The following PHF10 variants were observed in gnomAD, a reference collection of about 807,000 sequenced individuals.
The protein encoded by PHF10 is PHD finger protein 10, also known as BRG1-associated factor 45a.
In PHF10, 51 loss-of-function variants were observed where a neutral mutation model predicts 68.5. That is an observed-to-expected ratio of 0.74 (90% confidence interval 0.59 to 0.94). The LOEUF is 0.94. Ranked by LOEUF, PHF10 falls within the 40% of genes least tolerant of loss-of-function variation. PHF10 has a pLI of 0.00. For synonymous variants in PHF10, 204 were observed against 203.5 expected (o/e 1.00, Z -0.02); for missense variants, 460 against 602.6 (o/e 0.76, Z 2.48).
Position 169,721,049 on chromosome 6 carries a change from T to C in PHF10, c.150A>G (p.Ser50=), listed in dbSNP as rs1336620757. The part of the protein sequence containing the change: ...TQPSKRRRMG[S]GDSSRSCETS... ...TTTCACAACTCCTAGAACTATCTCC[T>C]GAGCCCATTCGCCTCCTTTTGGATG... Residue 50 remains serine (S), a synonymous_variant, in exon 2 of 12, where the codon TCA becomes TCG. Coordinates refer to ENST00000339209, the MANE Select transcript of PHF10 (RefSeq NM_018288.4). The C allele has an allele frequency of 6.5e-7, 1 of 1,547,536 alleles. No homozygotes were observed. Among genetic ancestry groups the C allele is most frequent in the Non-Finnish European group, 8.7e-7 (1 of 1,145,008 alleles).
At chr6:169,707,246 C>A (rs1426301134) in intron 9 of PHF10, 3 of 152,132 alleles carry the variant, frequency 2.0e-5, no homozygotes, top group Admixed American at 6.5e-5. Flanking sequence ...CATGCTCAAA[C>A]CATTTAAGTC....
chr6:169,717,765 C>G (rs539183326), intron 4 of PHF10, 58 bp downstream of exon 4: 1 of 697,860 alleles, frequency 1.4e-6, no homozygotes, highest in Admixed American at 2.4e-5. Context: ...AGATACTTAT[C>G]TAGTATTATC....
At chr6:169,723,506 G>A (rs568047254) in intron 1 of PHF10, among the ~76,000 whole-genome samples, 2 of 152,360 alleles carry the variant, frequency 1.3e-5, no homozygotes, top group African/African-American at 4.8e-5. Flanking sequence ...GCGCGCTTCT[G>A]CAGGCCCCTC....
At chr6:169,716,903 AAT>A (rs1789061215) in intron 4 of PHF10, among the ~76,000 whole-genome samples, 1 of 152,188 alleles carries the variant, frequency 6.6e-6, no homozygotes. Context: ...AACTTAAAAA[AAT>A]ATATTGTACA....
In PHF10 at chr6:169,703,910, A is replaced by C. The variant is rs1788639509; in HGVS notation, c.*93T>G. ...TGCAGATTTTAAGCTCATAATTTGC[A>C]AAAAAAATCTTTTATTGGCATGAAA... On this transcript the variant is annotated 3_prime_UTR_variant, in exon 12 of 12. Transcript: ENST00000339209. 3 of 1,050,986 alleles carry C rather than the reference A, an allele frequency of 2.9e-6. No homozygotes were observed. The South Asian group carries it at 5.0e-5, about 17-fold the overall frequency. 65.1% of individuals were successfully genotyped at this position (1,050,986 alleles called of 1,614,324 possible).
At chr6:169,708,546 G>T (rs576336496) in intron 9 of PHF10, 1 of 152,042 alleles carries the variant, frequency 6.6e-6, no homozygotes, top group African/African-American at 2.4e-5. Context: ...CTAGATACTG[G>T]TTGTTCCCAT....
chr6:169,712,296 T>C, intron 8 of PHF10, 90 bp downstream of exon 8: 2 of 1,116,784 alleles, frequency 1.8e-6, no homozygotes, highest in Non-Finnish European at 2.7e-6. Context: ...GCAACCATCC[T>C]TTTTCAAGGA....
At position 169,710,358 on chromosome 6, in the gene PHF10, T is replaced by C. The variant is rs1788899616; in HGVS notation, c.991A>G (p.Ser331Gly). The C allele has an allele frequency of 6.2e-7, 1 of 1,612,374 alleles. No homozygotes were observed. The highest frequency in any genetic ancestry group is 1.3e-5 in the African/African-American group (1 of 74,904). The change falls in exon 9 of 12, where the codon AGC (serine) becomes GGC (glycine). Residue 331 changes from serine to glycine, a missense_variant. Ser to Gly is a moderately conservative substitution (Grantham distance 56, BLOSUM62 0). Coordinates refer to ENST00000339209, the MANE Select transcript of PHF10 (RefSeq NM_018288.4). Reference protein sequence around the residue: ...SSSGNVSEGESPPDSQEDSFQ... With the variant: ...SSSGNVSEGEGPPDSQEDSFQ... Reference sequence around the variant, plus strand: ...GAGTCCTCCTGGCTGTCAGGAGGGCTTTCCCCTTCAGATACATTGCCAGAG... The same window carrying C: ...GAGTCCTCCTGGCTGTCAGGAGGGCCTTCCCCTTCAGATACATTGCCAGAG...
chr6:169,710,688 T>C (rs1455165040), intron 8 of PHF10, among the ~76,000 whole-genome samples: 2 of 152,184 alleles, frequency 1.3e-5, no homozygotes, highest in African/African-American at 4.8e-5. Flanking sequence ...CAGCTACTAT[T>C]ACGGCACACA....
chr6:169,716,160 A>AT, intron 4 of PHF10, 72 bp from the exon 5 acceptor site: 4 of 1,051,698 alleles, frequency 3.8e-6, no homozygotes, highest in Non-Finnish European at 5.4e-6. Flanking sequence ...ACTCTTCAAA[A>AT]TTTAATTCTT....
chr6:169,717,919 G>C lies in PHF10; in HGVS notation c.326-13C>G. The C allele has an allele frequency of 1.4e-6, 2 of 1,382,486 alleles. No individual in the cohort carries two copies. The highest frequency in any genetic ancestry group is 2.0e-6 in the Non-Finnish European group (2 of 988,586). The allele number at this position is 1,382,486 out of a possible 1,614,324, so 85.6% of individuals were successfully genotyped here. On this transcript the variant is annotated splice_polypyrimidine_tract_variant and intron_variant, in intron 3 of 11. Transcript: ENST00000339209. ...CGTCGCTCTAAATCTCCAAAAAAAA[G>C]ATCAAAAGACTATTAAAAACAGCAA... is the stretch of plus-strand genomic sequence containing the variant.
At position 169,705,200 on chromosome 6, in the gene PHF10, C is replaced by T. The variant is rs1175772657; in HGVS notation, c.1344G>A (p.Met448Ile). ...CTCTGTCACACATATCACAGAACATCATTTCTTCTTCATGGTGGGGTTGTC... is the reference window on the plus strand; with the variant it reads ...CTCTGTCACACATATCACAGAACATTATTTCTTCTTCATGGTGGGGTTGTC... ...ICGQPHHEEE[M>I]MFCDMCDRGY... Residue 448 changes from methionine to isoleucine, a missense_variant, in exon 11 of 12, where the codon ATG becomes ATA. Met to Ile is a conservative substitution (Grantham distance 10). Transcript: ENST00000339209. 1 of 1,613,718 alleles carries T rather than the reference C, an allele frequency of 6.2e-7. No homozygotes were observed. Among genetic ancestry groups the T allele is most frequent in the African/African-American group, 1.3e-5 (1 of 74,876 alleles).
chr6:169,721,004 C>G lies in PHF10; in HGVS notation c.194+1G>C. On this transcript the variant is annotated splice_donor_variant, in intron 2 of 11. Transcript: ENST00000339209. LOFTEE classifies it high-confidence loss of function. ...ATTAATAACCGATAAAATGACAGTA[C>G]CCAAGATCTTGACTTGAAGTTTCAC... 1 of 1,498,626 alleles carries G rather than the reference C, an allele frequency of 6.7e-7. No homozygotes were observed. The highest frequency in any genetic ancestry group is 9.1e-7 in the Non-Finnish European group (1 of 1,101,268). 92.8% of individuals were successfully genotyped at this position (1,498,626 alleles called of 1,614,324 possible).
chr6:169,716,207 A>G lies in PHF10; in HGVS notation c.410-119T>C, dbSNP rs536787018. The stretch of plus-strand genomic sequence containing the variant: ...ACGTTGTAATGGTTTTCCAATAGCC[A>G]AAGCAAAATATCTTAGTACATTTGA... On this transcript the variant is annotated intron_variant, in intron 4 of 11. Transcript: ENST00000339209. 4 of 516,358 alleles carry G rather than the reference A, an allele frequency of 7.7e-6. No individual in the cohort carries two copies. In the South Asian group the frequency reaches 1.9e-4, roughly 25 times the overall value. The allele number at this position is 516,358 out of a possible 1,614,324, so 32.0% of individuals were successfully genotyped here.
chr6:169,720,647 TAGAG>T (rs1049722117), intron 2 of PHF10, among the ~76,000 whole-genome samples: 3 of 152,118 alleles, frequency 2.0e-5, no homozygotes, highest in African/African-American at 7.2e-5. Context: ...AGGCGCTAAA[TAGAG>T]GGAGAAAGGG....
At chr6:169,705,422 T>A (rs1353977587) in intron 10 of PHF10, 101 bp from the exon 11 acceptor site, 7 of 830,378 alleles carry the variant, frequency 8.4e-6, no homozygotes, top group Non-Finnish European at 1.2e-5. Flanking sequence ...AGAATGGCTA[T>A]AATGTCAAAT....
intron 9 of PHF10, chr6:169,709,973 T>C (rs1460984871): frequency 8.1e-6 from 2 of 247,770 alleles, no homozygotes; most frequent in Non-Finnish European, 1.5e-5. Context: ...AACCCATACT[T>C]GCCTGGTTAT....
Position 169,705,197 on chromosome 6 carries a change from C to T in PHF10, c.1347G>A (p.Met449Ile). ...AACCTCTGTCACACATATCACAGAA[C>T]ATCATTTCTTCTTCATGGTGGGGTT... is the stretch of plus-strand genomic sequence containing the variant. ...CGQPHHEEEM[M>I]FCDMCDRGYH... Residue 449 changes from methionine (M) to isoleucine (I), a missense_variant, in exon 11 of 12, where the codon ATG (methionine) becomes ATA (isoleucine). By Grantham distance (10) the Met-to-Ile change is conservative (BLOSUM62 1). Transcript: ENST00000339209. The T allele has an allele frequency of 1.9e-6, 3 of 1,613,836 alleles. No individual in the cohort carries two copies. Among genetic ancestry groups the T allele is most frequent in the Non-Finnish European group, 2.5e-6 (3 of 1,179,792 alleles).
chr6:169,715,241 T>C lies in PHF10; in HGVS notation c.694-399A>G, dbSNP rs866420782. On this transcript the variant is annotated intron_variant, in intron 6 of 11. Coordinates refer to ENST00000339209, the MANE Select transcript of PHF10 (RefSeq NM_018288.4). ...AGCAAGTATGATATGTAGCTATTAT[T>C]AGTCTCATTTAGAATTATTAACCGT... Among the ~76,000 whole-genome samples, 3 of 152,324 alleles carry C rather than the reference T, an allele frequency of 2.0e-5. 1 individual carries two copies. The highest frequency in any genetic ancestry group is 6.8e-3 in the Middle Eastern group (2 of 294).
Sources: gnomAD v4.1 joint callset for allele counts (sites outside exome capture counted in the v4.1 genomes callset) on GRCh38, gnomAD v4.1.1 for gene constraint, MANE v1.5 for transcripts, NCBI Gene and HGNC (gene_info 2026-07-23, HGNC 2026-07-21) for gene names.